Variants in GSG1L2 observed in about 807,000 individuals in gnomAD.
GSG1L2 encodes GSG1 like 2.
In GSG1L2, 15 loss-of-function variants were observed where a neutral mutation model predicts 9.0. That is an observed-to-expected ratio of 1.67 (90% CI 1.12 to 2.57). The LOEUF is 2.57. Ranked by LOEUF, GSG1L2 falls within the 30% of genes most tolerant of loss-of-function variation. The pLI, the probability that GSG1L2 is intolerant of heterozygous loss-of-function variation, is 0.00. For synonymous variants in GSG1L2, 127 were observed against 57.9 expected, an observed-to-expected ratio of 2.19 and a Z score of -5.41; for missense variants, 286 against 150.3, an observed-to-expected ratio of 1.90 and a Z score of -4.72.
chr17:9,810,773 G>C (rs368035883), intron 1 of GSG1L2, 155 bp from the exon 2 acceptor site: 2 of 625,958 alleles, frequency 3.2e-6, no homozygotes, highest in Admixed American at 2.6e-5. Flanking sequence ...GTGGGAGCCT[G>C]ATATAATCCA....
chr17:9,801,159 G>A lies in GSG1L2; in HGVS notation c.*1227C>T, dbSNP rs57160791. Among the ~76,000 whole-genome samples, 1,211 of 152,092 alleles carry A rather than the reference G, an allele frequency of 8.0e-3. 13 individuals carry two copies. Among genetic ancestry groups the A allele is most frequent in the African/African-American group, 0.026 (1,073 of 41,474 alleles). On this transcript the variant is annotated 3_prime_UTR_variant, in exon 5 of 5. Coordinates refer to ENST00000399363, the MANE Select transcript of GSG1L2 (RefSeq NM_001310219.2). ...AATATAATTTTTAAAATGGATCTGA[G>A]CAAGGACATATTGAAGGTTGTTAGA...
chr17:9,815,775 T>C (rs763473773), intron 1 of GSG1L2, among the ~76,000 whole-genome samples: 1 of 152,218 alleles, frequency 6.6e-6, no homozygotes, highest in Non-Finnish European at 1.5e-5. Flanking sequence ...TATAGTTGCA[T>C]AGAAGTCAGA....
Position 9,821,799 on chromosome 17 carries a change from C to G in GSG1L2, c.273G>C (p.Gly91=). Residue 91 remains glycine (G), a synonymous_variant, in exon 1 of 5, where the codon GGG becomes GGC. Transcript: ENST00000399363. ...GGCTCTCCTCGCAGGACTGCCAGAGCCCCACATGGAACCCCCGCTGAATGA... is the reference window on the plus strand; with the variant it reads ...GGCTCTCCTCGCAGGACTGCCAGAGGCCCACATGGAACCCCCGCTGAATGA... ...DKFIQRGFHV[G]LWQSCEESLN... is the part of the protein sequence containing the mutation. 1 of 703,530 alleles carries G rather than the reference C, an allele frequency of 1.4e-6. No homozygotes were observed. The highest frequency in any genetic ancestry group is 1.7e-5 in the African/African-American group (1 of 57,388). 43.6% of individuals were successfully genotyped at this position (703,530 alleles called of 1,614,324 possible).
rs1234273021 is a variant in GSG1L2, at chr17:9,810,553, TGTGA to T, written c.358+14_358+17del. On this transcript the variant is annotated intron_variant, in intron 2 of 4. Coordinates refer to ENST00000399363, the MANE Select transcript of GSG1L2 (RefSeq NM_001310219.2). ...CTATGAGGAGTGCTAGTGGGCAGAG[TGTGA>T]GTAAGGTATTTACCTTGTTCTTCAG... is the stretch of plus-strand genomic sequence containing the variant. The T allele has an allele frequency of 8.5e-6, 6 of 702,796 alleles. No individual in the cohort carries two copies. In the Admixed American group the frequency reaches 1.2e-4, roughly 14 times the overall value. The allele number at this position is 702,796 out of a possible 1,614,324, so 43.5% of individuals were successfully genotyped here. A position where few individuals can be genotyped will look rare whatever the true frequency, so the allele number is the denominator to read the frequency against.
intron 2 of GSG1L2, chr17:9,809,269 A>C (rs543595947): frequency 2.7e-5 from 11 of 409,118 alleles, no homozygotes; most frequent in South Asian, 2.6e-4. Flanking sequence ...GGGGGTCTCC[A>C]TGCCCTAGCT....
intron 1 of GSG1L2, among the ~76,000 whole-genome samples, chr17:9,816,914 G>GTGTGTGTGTATCTGTGTGTGTGTATC (rs1567711591): frequency 1.1e-3 from 49 of 44,302 alleles, no homozygotes; most frequent in African/African-American, 4.1e-3. Context: ...GTGTATCTGT[G>GTGTGTGTGTATCTGTGTGTGTGTATC]TGTGTGTGTG....
intron 1 of GSG1L2, among the ~76,000 whole-genome samples, chr17:9,814,347 CAG>C (rs1220054028): frequency 2.0e-5 from 3 of 152,128 alleles, no homozygotes; most frequent in African/African-American, 7.2e-5. Context: ...AATTAAAAAC[CAG>C]AGTTTCTCAC....
intron 2 of GSG1L2, chr17:9,810,062 C>T (rs1408900441): frequency 1.3e-5 from 2 of 155,906 alleles, no homozygotes; most frequent in Non-Finnish European, 2.8e-5. Flanking sequence ...CGAAAGGACT[C>T]CTCTAAGGCA....
chr17:9,818,604 C>T (rs578231453), intron 1 of GSG1L2, among the ~76,000 whole-genome samples: 2 of 150,532 alleles, frequency 1.3e-5, no homozygotes, highest in African/African-American at 4.9e-5. Context: ...AATCCACCCA[C>T]CTTGGCCTCC....
At chr17:9,815,686 A>G (rs2066556709) in intron 1 of GSG1L2, among the ~76,000 whole-genome samples, 1 of 152,240 alleles carries the variant, frequency 6.6e-6, no homozygotes, top group Non-Finnish European at 1.5e-5. Flanking sequence ...GAGCATCTCA[A>G]AAGGCATCTC....
chr17:9,821,655 C>T, intron 1 of GSG1L2, 107 bp downstream of exon 1: 1 of 652,528 alleles, frequency 1.5e-6, no homozygotes, highest in Non-Finnish European at 2.8e-6. Context: ...CATCATCCCG[C>T]ACCTGTTACC....
chr17:9,806,196 T>G lies in GSG1L2; in HGVS notation c.623+1294A>C, dbSNP rs976305727. Reference sequence around the variant, plus strand: ...ATTGCCAATCACCTTTCCTCTTGCCTTAGACCACCCTGCTTCTCTAACCCA... The same window carrying G: ...ATTGCCAATCACCTTTCCTCTTGCCGTAGACCACCCTGCTTCTCTAACCCA... On this transcript the variant is annotated intron_variant, in intron 4 of 4. Transcript: ENST00000399363. Among the ~76,000 whole-genome samples the G allele has an allele frequency of 2.0e-5, 3 of 152,210 alleles. No individual in the cohort carries two copies. In the East Asian group the frequency reaches 5.8e-4, roughly 29 times the overall value.
intron 1 of GSG1L2, among the ~76,000 whole-genome samples, chr17:9,815,135 C>A (rs2066554463): frequency 6.6e-6 from 1 of 152,156 alleles, no homozygotes; most frequent in African/African-American, 2.4e-5. Flanking sequence ...CGCCTGTAAT[C>A]CCAGCATTTT....
At chr17:9,807,778 G>C in intron 3 of GSG1L2, 177 bp from the exon 4 acceptor site, 2 of 579,444 alleles carry the variant, frequency 3.5e-6, no homozygotes, top group South Asian at 2.0e-5. Context: ...TGAAACTGAA[G>C]AGACATCCGG....
intron 4 of GSG1L2, among the ~76,000 whole-genome samples, chr17:9,803,435 G>C (rs1333488511): frequency 6.6e-6 from 1 of 152,192 alleles, no homozygotes; most frequent in African/African-American, 2.4e-5. Flanking sequence ...CATCCAGGCT[G>C]TAAGCCTGTT....
In GSG1L2 at chr17:9,810,561, A is replaced by G; in HGVS notation, c.358+10T>C. ...AGTGCTAGTGGGCAGAGTGTGAGTA[A>G]GGTATTTACCTTGTTCTTCAGCTGG... On this transcript the variant is annotated intron_variant, in intron 2 of 4. Transcript: ENST00000399363. 1 of 702,964 alleles carries G rather than the reference A, an allele frequency of 1.4e-6. No homozygotes were observed. The highest frequency in any genetic ancestry group is 2.6e-6 in the Non-Finnish European group (1 of 384,996). The allele number at this position is 702,964 out of a possible 1,614,324, so 43.5% of individuals were successfully genotyped here. A position where few individuals can be genotyped will look rare whatever the true frequency, so the allele number is the denominator to read the frequency against.
Position 9,816,856 on chromosome 17 carries a change from CTGTA to C in GSG1L2, c.310+4902_310+4905del, listed in dbSNP as rs151133020. Among the ~76,000 whole-genome samples the C allele has an allele frequency of 7.6e-3, 274 of 35,908 alleles. 3 individuals are homozygous for C. The East Asian group carries it at 0.12, about 16-fold the overall frequency. 23.6% of individuals were successfully genotyped at this position (35,908 alleles called of 152,430 possible). On this transcript the variant is annotated intron_variant, in intron 1 of 4. Transcript: ENST00000399363. ...TGTATCTGTGTGTGTTTCTGTGTAT[CTGTA>C]TGTGTGTGTCTGTGTGTGTATCTGT...
Position 9,821,794 on chromosome 17 carries a change from C to T in GSG1L2, c.278G>A (p.Trp93Ter), listed in dbSNP as rs189855537. 8.1e-4 allele frequency: 571 copies of T among 703,552 alleles called. 2 individuals carry two copies. In the Middle Eastern group the frequency reaches 0.011, roughly 14 times the overall value. The allele number at this position is 703,552 out of a possible 1,614,324, so 43.6% of individuals were successfully genotyped here. A position where few individuals can be genotyped will look rare whatever the true frequency, so the allele number is the denominator to read the frequency against. Residue 93 changes from tryptophan to a stop codon, truncating the protein, a stop_gained, in exon 1 of 5, where the codon TGG becomes TAG. Coordinates refer to ENST00000399363, the MANE Select transcript of GSG1L2 (RefSeq NM_001310219.2). LOFTEE classifies it high-confidence loss of function. ...GTTGAGGCTCTCCTCGCAGGACTGC[C>T]AGAGCCCCACATGGAACCCCCGCTG... ...FIQRGFHVGL[W>*]QSCEESLNGE...
At chr17:9,816,838 G>A (rs1322223655) in intron 1 of GSG1L2, among the ~76,000 whole-genome samples, 1 of 142,000 alleles carries the variant, frequency 7.0e-6, no homozygotes, top group Admixed American at 7.3e-5. Context: ...CTGTGTATCT[G>A]TGTGTGTTTC....
Sources: allele counts gnomAD v4.1 joint callset (sites outside exome capture counted in the v4.1 genomes callset), GRCh38; gene constraint gnomAD v4.1.1; transcripts MANE v1.5; gene names NCBI Gene and HGNC (gene_info 2026-07-23, HGNC 2026-07-21).